GBGT1: variants seen among roughly 807,000 people sequenced by gnomAD.
GBGT1 encodes globoside alpha-1,3-N-acetylgalactosaminyltransferase 1 (FORS blood group).
A neutral mutation model predicts 20.9 loss-of-function variants in GBGT1; 18 were observed. The observed-to-expected ratio is 0.86, with a 90% CI of 0.60 to 1.28. The LOEUF (loss-of-function observed/expected upper bound fraction) is 1.28, where lower values mean the gene tolerates loss of function less well. GBGT1 is among the 50% of genes most tolerant of loss of function. The pLI is 0.00. For synonymous variants in GBGT1, 168 were observed against 180.8 expected (o/e 0.93, Z 0.57); for missense variants, 432 against 455.7 (o/e 0.95, Z 0.47).
chr9:133,161,255 C>T (rs866883670), intron 3 of GBGT1: 2 of 531,554 alleles, frequency 3.8e-6, no homozygotes, highest in Non-Finnish European at 6.6e-6. Context: ...TCAGACCATG[C>T]AGGGGGCTGC....
At chr9:133,156,445 A>G (rs1287250308) in intron 3 of GBGT1, among the ~76,000 whole-genome samples, 2 of 151,994 alleles carry the variant, frequency 1.3e-5, no homozygotes, top group Non-Finnish European at 2.9e-5. Flanking sequence ...GTGGATCACA[A>G]GGCCAGGAGT....
chr9:133,161,951 G>C (rs1588592858), intron 2 of GBGT1, among the ~76,000 whole-genome samples: 1 of 152,212 alleles, frequency 6.6e-6, no homozygotes, highest in African/African-American at 2.4e-5. Flanking sequence ...CAGGAGGCCA[G>C]TACAAGGCAG....
intron 3 of GBGT1, 135 bp from the exon 4 acceptor site, chr9:133,156,200 A>G (rs1256330184): frequency 1.1e-6 from 1 of 891,364 alleles, no homozygotes; most frequent in Non-Finnish European, 1.8e-6. Context: ...ACCTTCCCCC[A>G]CAGCCCCACC....
intron 5 of GBGT1, 72 bp downstream of exon 5, chr9:133,155,829 T>C: frequency 6.6e-7 from 1 of 1,524,556 alleles, no homozygotes; most frequent in Non-Finnish European, 9.1e-7. Context: ...GCACCTCCAC[T>C]ACCCCACCTT....
intron 3 of GBGT1, among the ~76,000 whole-genome samples, chr9:133,156,278 G>T (rs1374235555): frequency 1.3e-5 from 2 of 152,172 alleles, no homozygotes; most frequent in African/African-American, 4.8e-5. Flanking sequence ...AGAGTAAGTG[G>T]CAGGGCAGTG....
chr9:133,155,993 G>A, intron 4 of GBGT1, 22 bp downstream of exon 4: 1 of 1,613,992 alleles, frequency 6.2e-7, no homozygotes, highest in East Asian at 2.2e-5. Context: ...GGCCACAAAA[G>A]AGGAAATGCC....
chr9:133,155,019 T>C, intron 6 of GBGT1, 159 bp downstream of exon 6: 1 of 616,510 alleles, frequency 1.6e-6, no homozygotes. Flanking sequence ...CATCCCACTA[T>C]CACACCCTAC....
rs1832774276 is a variant in GBGT1, at chr9:133,153,627, G to A, written c.994C>T (p.Leu332=). ...TTGTCCAGTGTAGAAAAGCGGATCA[G>A]CTTCAGGCTGGGTGGCTGGGGCTTC... ...DRKPQPPSLK[L]IRFSTLDKDI... is the part of the protein sequence containing the mutation. Residue 332 remains leucine (L), a synonymous_variant, in exon 7 of 7, where the codon CTG becomes TTG. Coordinates refer to ENST00000372040, the MANE Select transcript of GBGT1 (RefSeq NM_021996.6). 6.2e-7 allele frequency: 1 copy of A among 1,601,584 alleles called. No homozygotes were observed. The highest frequency in any genetic ancestry group is 1.3e-5 in the African/African-American group (1 of 74,474).
At chr9:133,162,599 T>C (rs1833089297) in intron 1 of GBGT1, 67 bp from the exon 2 acceptor site, 2 of 604,124 alleles carry the variant, frequency 3.3e-6, no homozygotes, top group African/African-American at 3.7e-5. Flanking sequence ...TGGAGTGCAG[T>C]GGCGCAATCT....
At position 133,154,354 on chromosome 9, in the gene GBGT1, C is replaced by T. The variant is rs1588582897; in HGVS notation, c.360-93G>A. On this transcript the variant is annotated intron_variant, in intron 6 of 6. Coordinates refer to ENST00000372040, the MANE Select transcript of GBGT1 (RefSeq NM_021996.6). This position sits in a 1 kb window ranked among gnomAD's most constrained non-coding sequence, Gnocchi z 4.2. ...GGTCAGCCAGGCTGGGGTCCACTTACCAGCTCCCCATCTCAAGATGTCACT... is the reference window on the plus strand; with the variant it reads ...GGTCAGCCAGGCTGGGGTCCACTTATCAGCTCCCCATCTCAAGATGTCACT... The T allele has an allele frequency of 1.5e-6, 1 of 671,672 alleles. No homozygotes were observed. The highest frequency in any genetic ancestry group is 2.7e-5 in the East Asian group (1 of 37,632). 41.6% of individuals were successfully genotyped at this position (671,672 alleles called of 1,614,324 possible). A position where few individuals can be genotyped will look rare whatever the true frequency, so the allele number is the denominator to read the frequency against.
chr9:133,159,554 G>T (rs1207639897), intron 3 of GBGT1, among the ~76,000 whole-genome samples: 1 of 152,222 alleles, frequency 6.6e-6, no homozygotes, highest in Non-Finnish European at 1.5e-5. Flanking sequence ...TCCCGGCAGG[G>T]GCGAGTTGGG....
At chr9:133,160,376 T>G (rs1487460994) in intron 3 of GBGT1, 4 of 152,264 alleles carry the variant, frequency 2.6e-5, no homozygotes, top group African/African-American at 9.7e-5. Context: ...GGTTCATTTT[T>G]GTTTTCATAA....
At position 133,153,899 on chromosome 9, in the gene GBGT1, T is replaced by C. The variant is rs143947553; in HGVS notation, c.722A>G (p.Tyr241Cys). 3.9e-5 allele frequency: 63 copies of C among 1,605,122 alleles called. No individual in the cohort carries two copies. The African/African-American group carries it at 6.7e-4, about 17-fold the overall frequency. ...YYAVPRQQFP[Y>C]ERRRVSTAFV... ...GGCAGTGGAAACACGCCTGCGCTCA[T>C]AGGGGAACTGCTGGCGGGGAACGGC... The change falls in exon 7 of 7, where the codon TAT becomes TGT. Residue 241 changes from tyrosine to cysteine, a missense_variant. By Grantham distance (194) the Tyr-to-Cys change is radical. Transcript: ENST00000372040.
intron 3 of GBGT1, among the ~76,000 whole-genome samples, chr9:133,157,565 G>A (rs549749354): frequency 6.6e-6 from 1 of 152,360 alleles, no homozygotes; most frequent in African/African-American, 2.4e-5. Flanking sequence ...TGTCCAGCAT[G>A]GAGCAAGTGC....
In GBGT1 at chr9:133,153,316, G is replaced by A. The variant is rs1449089024; in HGVS notation, c.*261C>T. The stretch of plus-strand genomic sequence containing the variant: ...CCCCGCAAAGGCACGGCTGCAGAAC[G>A]TGGCAAGCCTGCCGGGCCCTGCCTT... On this transcript the variant is annotated 3_prime_UTR_variant, in exon 7 of 7. Coordinates refer to ENST00000372040, the MANE Select transcript of GBGT1 (RefSeq NM_021996.6). 7 of 354,166 alleles carry A rather than the reference G, an allele frequency of 2.0e-5. No homozygotes were observed. The highest frequency in any genetic ancestry group is 4.5e-5 in the Admixed American group (1 of 21,988). 21.9% of individuals were successfully genotyped at this position (354,166 alleles called of 1,614,324 possible).
chr9:133,160,136 A>G, intron 3 of GBGT1: 1 of 352,286 alleles, frequency 2.8e-6, no homozygotes, highest in Middle Eastern at 9.0e-4. Flanking sequence ...CTAAAAATAC[A>G]AAAATTAGCG....
Position 133,154,203 on chromosome 9 carries a change from A to G in GBGT1, c.418T>C (p.Tyr140His), listed in dbSNP as rs1382658221. Residue 140 changes from tyrosine to histidine, a missense_variant, in exon 7 of 7, where the codon TAC (tyrosine) becomes CAC (histidine). Coordinates refer to ENST00000372040, the MANE Select transcript of GBGT1 (RefSeq NM_021996.6). The surrounding 1 kb of genome is among the most constrained non-coding windows in gnomAD (Gnocchi z 4.2). Reference protein sequence around the residue: ...ESAEEFFMRGYRVHYYIFTDN... With the variant: ...ESAEEFFMRGHRVHYYIFTDN... ...GTGAAGATGTAGTAGTGCACCCGGT[A>G]CCCACGCATGAAGAACTCCTCGGCT... The G allele has an allele frequency of 1.0e-5, 16 of 1,560,098 alleles. No homozygotes were observed. The highest frequency in any genetic ancestry group is 1.4e-5 in the Non-Finnish European group (16 of 1,148,062).
Position 133,154,264 on chromosome 9 carries a change from A to G in GBGT1, c.360-3T>C. The G allele has an allele frequency of 6.7e-7, 1 of 1,501,822 alleles. No homozygotes were observed. Among genetic ancestry groups the G allele is most frequent in the Non-Finnish European group, 8.9e-7 (1 of 1,117,758 alleles). 93.0% of individuals were successfully genotyped at this position (1,501,822 alleles called of 1,614,324 possible). On this transcript the variant is annotated splice_region_variant and splice_polypyrimidine_tract_variant and intron_variant, in intron 6 of 6. Coordinates refer to ENST00000372040, the MANE Select transcript of GBGT1 (RefSeq NM_021996.6). This position sits in a 1 kb window ranked among gnomAD's most constrained non-coding sequence, Gnocchi z 4.2. ...AGGACTGGATGAAATGAGTGTACCT[A>G]GTGATGATCACCCGGTCACCCACTG...
chr9:133,163,319 G>A (rs1833112726), intron 1 of GBGT1: 1 of 152,248 alleles, frequency 6.6e-6, no homozygotes, highest in Non-Finnish European at 1.5e-5. Context: ...TCAACTCGCT[G>A]GCTCGTTGAC....
Sources: allele counts gnomAD v4.1 joint callset (sites outside exome capture counted in the v4.1 genomes callset), GRCh38; gene constraint gnomAD v4.1.1; non-coding constraint Gnocchi (gnomAD v3.1); transcripts MANE v1.5; gene names NCBI Gene and HGNC (gene_info 2026-07-23, HGNC 2026-07-21).